PRIM2: variants seen among roughly 807,000 people sequenced by gnomAD.
PRIM2 encodes DNA primase subunit 2, also known as DNA primase large subunit.
Under a neutral mutation model 67.3 loss-of-function variants are expected in PRIM2, and 39 were observed. That is an observed-to-expected ratio of 0.58 (90% CI 0.45 to 0.76). PRIM2 has a LOEUF of 0.76. Ranked by LOEUF, PRIM2 falls within the 30% of genes least tolerant of loss-of-function variation. The pLI is 0.00. For synonymous variants in PRIM2, 143 were observed against 198.7 expected (o/e 0.72, Z 2.36); for missense variants, 398 against 598.7 (o/e 0.66, Z 3.50).
chr6:57,547,355 G>C (rs1322535409), intron 10 of PRIM2, among the ~76,000 whole-genome samples: 2 of 152,128 alleles, frequency 1.3e-5, no homozygotes, highest in East Asian at 3.9e-4. Context: ...AGTGAGCATA[G>C]TACCCAATAG....
intron 8 of PRIM2, among the ~76,000 whole-genome samples, chr6:57,526,539 G>A (rs1554349418): frequency 2.6e-5 from 4 of 152,158 alleles, no homozygotes; most frequent in East Asian, 3.9e-4. Context: ...CAAAATAGTC[G>A]TTAATGACAT....
chr6:57,231,577 T>A, the PRIM2 span, among the ~76,000 whole-genome samples: 4 of 152,352 alleles, frequency 2.6e-5, no homozygotes, highest in South Asian at 6.2e-4. Context: ...TGAGTATATT[T>A]AATATCTTCA....
chr6:57,224,729 C>G, the PRIM2 span, among the ~76,000 whole-genome samples: 9 of 152,132 alleles, frequency 5.9e-5, no homozygotes, highest in African/African-American at 2.2e-4. Context: ...CCCCCAAAAT[C>G]ATTTCTTTCC....
At chr6:57,236,865 G>A in the PRIM2 span, among the ~76,000 whole-genome samples, 6,421 of 152,166 alleles carry the variant, frequency 0.042, 262 homozygotes, top group East Asian at 0.18. Context: ...GAATAGTGCC[G>A]CAATGAACAT....
chr6:57,489,408 T>C (rs1773829493), intron 7 of PRIM2, among the ~76,000 whole-genome samples: 1 of 146,316 alleles, frequency 6.8e-6, no homozygotes, highest in Non-Finnish European at 1.5e-5. Flanking sequence ...CACAAAAAAC[T>C]AAGCTGGGCG....
intron 12 of PRIM2, among the ~76,000 whole-genome samples, chr6:57,631,145 A>G (rs1337179996): frequency 3.1e-4 from 47 of 152,352 alleles, no homozygotes; most frequent in African/African-American, 1.1e-3. Flanking sequence ...TGTATCTGTC[A>G]AATGACATTA....
intron 3 of PRIM2, 107 bp from the exon 4 acceptor site, chr6:57,324,094 A>G: frequency 1.6e-6 from 1 of 635,060 alleles, no homozygotes; most frequent in South Asian, 2.0e-5. Context: ...TAAAAAAAGA[A>G]ATGTTTTTGA....
intron 10 of PRIM2, among the ~76,000 whole-genome samples, chr6:57,583,857 T>C (rs1351245264): frequency 7.4e-4 from 112 of 152,296 alleles, no homozygotes; most frequent in Non-Finnish European, 1.1e-3. Context: ...GGTTTCCCAT[T>C]AAGTAACTGA....
chr6:57,289,234 G>C, the PRIM2 span, among the ~76,000 whole-genome samples: 1 of 152,106 alleles, frequency 6.6e-6, no homozygotes, highest in Admixed American at 6.5e-5. Context: ...ATGAAATAAA[G>C]CAAGAAGAGA....
intron 7 of PRIM2, among the ~76,000 whole-genome samples, chr6:57,433,835 C>T (rs1037107136): frequency 2.0e-5 from 3 of 151,722 alleles, no homozygotes; most frequent in Admixed American, 6.6e-5. Flanking sequence ...TGAATGAGGC[C>T]ATTATGTGGC....
chr6:57,605,366 T>C (rs1776541428), intron 11 of PRIM2, among the ~76,000 whole-genome samples: 2 of 152,242 alleles, frequency 1.3e-5, no homozygotes, highest in South Asian at 2.1e-4. Context: ...TTCTTCTTTG[T>C]ACATCTGGTA....
At chr6:57,575,962 G>T (rs1482315610) in intron 10 of PRIM2, among the ~76,000 whole-genome samples, 1 of 152,014 alleles carries the variant, frequency 6.6e-6, no homozygotes, top group Non-Finnish European at 1.5e-5. Context: ...ATTTTTAGTA[G>T]AGATGGGGTT....
intron 13 of PRIM2, among the ~76,000 whole-genome samples, chr6:57,636,133 A>C (rs1165978451): frequency 6.6e-6 from 1 of 152,180 alleles, no homozygotes; most frequent in Admixed American, 6.5e-5. Context: ...AATGCACAAA[A>C]CATAATTTTT....
At chr6:57,469,955 A>T (rs1363948667) in intron 7 of PRIM2, among the ~76,000 whole-genome samples, 1 of 152,100 alleles carries the variant, frequency 6.6e-6, no homozygotes, top group Non-Finnish European at 1.5e-5. Flanking sequence ...TCACTTAAAA[A>T]ACTACTCATT....
chr6:57,339,100 T>A (rs1768378455), intron 5 of PRIM2, among the ~76,000 whole-genome samples: 1 of 151,788 alleles, frequency 6.6e-6, no homozygotes, highest in Non-Finnish European at 1.5e-5. Context: ...GAACTCCCAT[T>A]CACAATTGCT....
intron 5 of PRIM2, among the ~76,000 whole-genome samples, chr6:57,333,833 T>C (rs1768135680): frequency 6.6e-6 from 1 of 152,208 alleles, no homozygotes; most frequent in Admixed American, 6.5e-5. Flanking sequence ...TAAAATATAA[T>C]GTTTTGAAGG....
chr6:57,592,843 G>A (rs1384224657), intron 10 of PRIM2, among the ~76,000 whole-genome samples: 6 of 151,812 alleles, frequency 4.0e-5, no homozygotes, highest in Non-Finnish European at 7.4e-5. Context: ...TTCCTTGTAG[G>A]AAAGACTTTA....
At chr6:57,357,840 C>T (rs1460278359) in intron 5 of PRIM2, among the ~76,000 whole-genome samples, 4 of 152,052 alleles carry the variant, frequency 2.6e-5, no homozygotes, top group South Asian at 2.1e-4. Context: ...GTGATCCACC[C>T]GCCTTGGCCT....
intron 13 of PRIM2, among the ~76,000 whole-genome samples, chr6:57,641,900 T>C (rs1226147032): frequency 6.6e-6 from 1 of 152,246 alleles, no homozygotes; most frequent in African/African-American, 2.4e-5. Flanking sequence ...CAAAGGATTA[T>C]AAATCATGCT....
Sources: allele counts gnomAD v4.1 joint callset (sites outside exome capture counted in the v4.1 genomes callset), GRCh38; gene constraint gnomAD v4.1.1; transcripts MANE v1.5; gene names NCBI Gene and HGNC (gene_info 2026-07-23, HGNC 2026-07-21).